SPICE1: variants seen among roughly 807,000 people sequenced by gnomAD.
SPICE1 encodes spindle and centriole associated protein 1, also known as spindle and centriole-associated protein 1.
SPICE1 carries 75 observed loss-of-function variants against 102.7 expected under a neutral mutation model. That is an observed-to-expected ratio of 0.73 (90% CI 0.61 to 0.88). The LOEUF (loss-of-function observed/expected upper bound fraction) is 0.88. Ranked by LOEUF, SPICE1 falls within the 40% of genes least tolerant of loss-of-function variation. The pLI, the probability that SPICE1 is intolerant of heterozygous loss-of-function variation, is 0.00. For missense variants in SPICE1, 979 were observed against 1,020.1 expected, an observed-to-expected ratio of 0.96 and a Z score of 0.55; for synonymous variants, 308 against 350.3, an observed-to-expected ratio of 0.88 and a Z score of 1.35.
chr3:113,462,120 G>A (rs906938848), intron 11 of SPICE1, among the ~76,000 whole-genome samples: 1 of 152,054 alleles, frequency 6.6e-6, no homozygotes, highest in Non-Finnish European at 1.5e-5. Context: ...GACTGCATTG[G>A]TCAGCCTTCA....
At chr3:113,482,488 C>G (rs1319992159) in intron 7 of SPICE1, among the ~76,000 whole-genome samples, 1 of 152,156 alleles carries the variant, frequency 6.6e-6, no homozygotes, top group South Asian at 2.1e-4. Flanking sequence ...TTGTGTATGC[C>G]TATGTCCTGA....
In SPICE1 at chr3:113,469,167, A is replaced by G. The variant is rs558422433; in HGVS notation, c.683T>C (p.Ile228Thr). The stretch of plus-strand genomic sequence containing the variant: ...AGGAGTTATTTGTGACTGGGTTGCT[A>G]TTTTCTGCTGAATGTCAGTCCACAA... ...SKLWTDIQQK[I>T]ATQSQITPPG... The change falls in exon 8 of 18, where the codon ATA becomes ACA. Residue 228 changes from isoleucine to threonine, a missense_variant. Coordinates refer to ENST00000295872, the MANE Select transcript of SPICE1 (RefSeq NM_144718.4). 2 of 1,613,342 alleles carry G rather than the reference A, an allele frequency of 1.2e-6. No homozygotes were observed. The highest frequency in any genetic ancestry group is 1.7e-6 in the Non-Finnish European group (2 of 1,179,650).
chr3:113,465,919 T>A, intron 10 of SPICE1, 135 bp from the exon 11 acceptor site: 1 of 766,452 alleles, frequency 1.3e-6, no homozygotes, highest in Non-Finnish European at 2.0e-6. Context: ...AGAGTTTTAT[T>A]AAAAGGTTTA....
chr3:113,480,936 A>AAAGAAAGAAAGAAAGG (rs1439355282), intron 7 of SPICE1, among the ~76,000 whole-genome samples: 1 of 26,212 alleles, frequency 3.8e-5, no homozygotes, highest in African/African-American at 1.0e-4. Flanking sequence ...AAGAAAAAAG[A>AAAGAAAGAAAGAAAGG]CCTCAGTACT....
chr3:113,457,444 G>T, intron 12 of SPICE1, 87 bp from the exon 13 acceptor site: 2 of 1,334,620 alleles, frequency 1.5e-6, no homozygotes, highest in Non-Finnish European at 2.1e-6. Context: ...ATGCATCTCA[G>T]TAGAGTGCAA....
intron 7 of SPICE1, among the ~76,000 whole-genome samples, chr3:113,482,352 G>A (rs1576637998): frequency 6.6e-6 from 1 of 152,156 alleles, no homozygotes; most frequent in South Asian, 2.1e-4. Flanking sequence ...CTCCCATTCT[G>A]TAGATTACCT....
At chr3:113,447,949 T>C in intron 16 of SPICE1, 89 bp downstream of exon 16, 3 of 1,230,900 alleles carry the variant, frequency 2.4e-6, no homozygotes, top group South Asian at 3.4e-5. Context: ...TCAGATACTG[T>C]ACACTTCCTT....
At position 113,476,038 on chromosome 3, in the gene SPICE1, G is replaced by A. The variant is rs543150534; in HGVS notation, c.612-6800C>T. Among the ~76,000 whole-genome samples the A allele has an allele frequency of 4.0e-3, 605 of 152,174 alleles. 8 individuals are homozygous for A. The highest frequency in any genetic ancestry group is 0.014 in the African/African-American group (580 of 41,468). The stretch of plus-strand genomic sequence containing the variant: ...CATGATTGTACATCTAGAAAACCCC[G>A]TTGTCTCAGCTCAAAATCTCCTTAA... On this transcript the variant is annotated intron_variant, in intron 7 of 17. Coordinates refer to ENST00000295872, the MANE Select transcript of SPICE1 (RefSeq NM_144718.4).
chr3:113,510,435 C>T (rs550914113), intron 1 of SPICE1, among the ~76,000 whole-genome samples: 6 of 152,118 alleles, frequency 3.9e-5, no homozygotes, highest in East Asian at 3.9e-4. Flanking sequence ...TATAGACCAA[C>T]GGAACAGAAT....
At chr3:113,476,195 G>C (rs1388597938) in intron 7 of SPICE1, among the ~76,000 whole-genome samples, 1 of 150,828 alleles carries the variant, frequency 6.6e-6, no homozygotes, top group African/African-American at 2.5e-5. Context: ...TTGCTTCAAA[G>C]AGAATAAAAT....
chr3:113,484,300 T>C (rs1346113531), intron 7 of SPICE1, among the ~76,000 whole-genome samples: 1 of 152,076 alleles, frequency 6.6e-6, no homozygotes, highest in Non-Finnish European at 1.5e-5. Flanking sequence ...TGGCTACCAG[T>C]CTATTTTGTT....
chr3:113,455,344 G>A (rs1935756014), intron 13 of SPICE1, among the ~76,000 whole-genome samples: 1 of 152,158 alleles, frequency 6.6e-6, no homozygotes, highest in African/African-American at 2.4e-5. Flanking sequence ...TAAATCAATA[G>A]CTAGAGGAAA....
chr3:113,468,166 G>C lies in SPICE1; in HGVS notation c.1128C>G (p.Leu376=). The change falls in exon 10 of 18, where the codon CTC becomes CTG. Residue 376 remains leucine, a synonymous_variant. Coordinates refer to ENST00000295872, the MANE Select transcript of SPICE1 (RefSeq NM_144718.4). ...CTTTAAGGTACCGAACCAGGCGACA[G>C]AGGGAGCTCACCAGCGACAAAGTGA... is the stretch of plus-strand genomic sequence containing the variant. ...TGFTLSLVSS[L]CRLVRYLKES... 6.2e-7 allele frequency: 1 copy of C among 1,614,186 alleles called. No homozygotes were observed. The highest frequency in any genetic ancestry group is 8.5e-7 in the Non-Finnish European group (1 of 1,180,022).
intron 7 of SPICE1, among the ~76,000 whole-genome samples, chr3:113,472,785 T>C (rs1208447725): frequency 6.6e-6 from 1 of 152,094 alleles, no homozygotes; most frequent in Non-Finnish European, 1.5e-5. Flanking sequence ...AACCCATCTC[T>C]ACATCACCAA....
chr3:113,488,707 CAGAA>C (rs1936699107), intron 7 of SPICE1, among the ~76,000 whole-genome samples: 1 of 151,904 alleles, frequency 6.6e-6, no homozygotes. Context: ...TGTGCATACT[CAGAA>C]AGGAGATAAA....
intron 7 of SPICE1, among the ~76,000 whole-genome samples, chr3:113,476,110 C>T (rs1234425011): frequency 2.0e-5 from 3 of 151,900 alleles, no homozygotes; most frequent in Non-Finnish European, 2.9e-5. Flanking sequence ...AATCAATGTA[C>T]AAAAATCACA....
chr3:113,497,205 C>T (rs1482146946), intron 4 of SPICE1, among the ~76,000 whole-genome samples: 1 of 152,200 alleles, frequency 6.6e-6, no homozygotes, highest in Non-Finnish European at 1.5e-5. Flanking sequence ...AATGAAGCTG[C>T]TATGGCCATT....
intron 1 of SPICE1, chr3:113,514,426 G>T (rs1416299067): frequency 8.5e-6 from 3 of 351,338 alleles, no homozygotes; most frequent in Non-Finnish European, 1.7e-5. Flanking sequence ...TCTAGATTCG[G>T]ATGGCTCCCC....
At chr3:113,475,362 G>A (rs1936316339) in intron 7 of SPICE1, among the ~76,000 whole-genome samples, 1 of 152,232 alleles carries the variant, frequency 6.6e-6, no homozygotes, top group African/African-American at 2.4e-5. Flanking sequence ...GGTACAAGGA[G>A]GAACTGGTAC....
Sources: gnomAD v4.1 joint callset for allele counts (sites outside exome capture counted in the v4.1 genomes callset) on GRCh38, gnomAD v4.1.1 for gene constraint, MANE v1.5 for transcripts, NCBI Gene and HGNC (gene_info 2026-07-23, HGNC 2026-07-21) for gene names.